CDKAL1: variants seen among roughly 807,000 people sequenced by gnomAD.
CDKAL1 encodes the protein CDKAL1 threonylcarbamoyladenosine tRNA methylthiotransferase.
Under a neutral mutation model 68.2 loss-of-function variants are expected in CDKAL1, and 32 were observed. That is an observed-to-expected ratio of 0.47 (90% CI 0.35 to 0.63). The LOEUF (loss-of-function observed/expected upper bound fraction) is 0.63, where lower values mean the gene tolerates loss of function less well. Among genes scored for constraint, CDKAL1 ranks in the 30% least tolerant of loss-of-function variants. CDKAL1 has a pLI of 0.00. For missense variants in CDKAL1, 606 were observed against 696.7 expected, an observed-to-expected ratio of 0.87 and a Z score of 1.47; for synonymous variants, 234 against 244.3, an observed-to-expected ratio of 0.96 and a Z score of 0.39.
chr6:21,140,786 C>T (rs759785321), intron 13 of CDKAL1, among the ~76,000 whole-genome samples: 50 of 152,052 alleles, frequency 3.3e-4, no homozygotes, highest in Non-Finnish European at 5.7e-4. Flanking sequence ...TGTATTAGTC[C>T]GTTTTCAGGC....
intron 9 of CDKAL1, among the ~76,000 whole-genome samples, chr6:20,946,404 C>T (rs1764238545): frequency 6.6e-6 from 1 of 152,114 alleles, no homozygotes; most frequent in Non-Finnish European, 1.5e-5. Flanking sequence ...GTGAGTCTTC[C>T]TCAACTATTC....
chr6:21,225,823 T>C (rs1384575064), intron 15 of CDKAL1, among the ~76,000 whole-genome samples: 1 of 152,246 alleles, frequency 6.6e-6, no homozygotes, highest in Non-Finnish European at 1.5e-5. Flanking sequence ...CTTTGTAATT[T>C]ACAAAAAGAA....
intron 13 of CDKAL1, among the ~76,000 whole-genome samples, chr6:21,131,523 C>T (rs1023826068): frequency 2.6e-5 from 4 of 152,118 alleles, no homozygotes; most frequent in African/African-American, 9.7e-5. Context: ...ATGTATATAA[C>T]AGAAAAGTCA....
chr6:20,887,831 C>A (rs1390391161), intron 9 of CDKAL1, among the ~76,000 whole-genome samples: 1 of 150,246 alleles, frequency 6.7e-6, no homozygotes, highest in African/African-American at 2.4e-5. Flanking sequence ...TCACACAGGC[C>A]AGAGTAGAGT....
intron 15 of CDKAL1, among the ~76,000 whole-genome samples, chr6:21,203,394 GC>G (rs1778772231): frequency 6.7e-6 from 1 of 150,296 alleles, no homozygotes; most frequent in Non-Finnish European, 1.5e-5. Flanking sequence ...GTGCCACTAC[GC>G]CCGGCTAATT....
intron 8 of CDKAL1, among the ~76,000 whole-genome samples, chr6:20,826,236 A>G (rs534499335): frequency 1.3e-5 from 2 of 152,276 alleles, no homozygotes; most frequent in African/African-American, 4.8e-5. Context: ...ATGTTAATAC[A>G]GGGAGGAGGG....
Position 20,698,330 on chromosome 6 carries a change from A to G in CDKAL1, c.372-41189A>G, listed in dbSNP as rs529390904. ...CAGTTTCTCACTGTTGTTAAATAAC[A>G]TCCTACATTATTATGCTACATTTCT... is the stretch of plus-strand genomic sequence containing the variant. On this transcript the variant is annotated intron_variant, in intron 5 of 15. Transcript: ENST00000274695. Among the ~76,000 whole-genome samples, 256 of 152,332 alleles carry G rather than the reference A, an allele frequency of 1.7e-3. 1 individual carries two copies. Among genetic ancestry groups the G allele is most frequent in the African/African-American group, 6.0e-3 (249 of 41,586 alleles).
At chr6:20,794,572 T>C (rs936661514) in intron 8 of CDKAL1, among the ~76,000 whole-genome samples, 4 of 152,168 alleles carry the variant, frequency 2.6e-5, no homozygotes, top group African/African-American at 9.6e-5. Flanking sequence ...ACACACTTTC[T>C]TAATACAAAA....
At chr6:21,227,711 T>C (rs1779804804) in intron 15 of CDKAL1, among the ~76,000 whole-genome samples, 2 of 152,214 alleles carry the variant, frequency 1.3e-5, no homozygotes, top group South Asian at 4.1e-4. Flanking sequence ...ATCAGTTATG[T>C]TCAAATATGT....
chr6:21,077,017 G>A (rs1332066344), intron 12 of CDKAL1, among the ~76,000 whole-genome samples: 4 of 152,166 alleles, frequency 2.6e-5, no homozygotes, highest in African/African-American at 7.2e-5. Flanking sequence ...CCTACTTTGT[G>A]TGGGTTTTTA....
chr6:20,716,913 A>G (rs557146684), intron 5 of CDKAL1, among the ~76,000 whole-genome samples: 1 of 152,148 alleles, frequency 6.6e-6, no homozygotes, highest in South Asian at 2.1e-4. Flanking sequence ...GAATGTGCTC[A>G]GGAGGTTGAG....
rs111353361 is a variant in CDKAL1 at position 21,121,854 on chromosome 6, T to C, written c.1299+13391T>C. Among the ~76,000 whole-genome samples, 1,198 of 152,326 alleles carry C rather than the reference T, an allele frequency of 7.9e-3. 19 individuals are homozygous for C. Among genetic ancestry groups the C allele is most frequent in the African/African-American group, 0.027 (1,130 of 41,568 alleles). ...TATCTGTTGATTGAAGGAATTAATA[T>C]GTTTCCTCTTCTAAAACTTCAGCAA... On this transcript the variant is annotated intron_variant, in intron 13 of 15. Transcript: ENST00000274695.
chr6:21,130,288 GATCTCA>G (rs1775245349), intron 13 of CDKAL1, among the ~76,000 whole-genome samples: 1 of 146,804 alleles, frequency 6.8e-6, no homozygotes, highest in Non-Finnish European at 1.5e-5. Context: ...GCAATGGTGC[GATCTCA>G]GCTCACTGCA....
chr6:20,889,544 T>C (rs1761269625), intron 9 of CDKAL1, among the ~76,000 whole-genome samples: 1 of 152,188 alleles, frequency 6.6e-6, no homozygotes, highest in Non-Finnish European at 1.5e-5. Flanking sequence ...GAATTAATTT[T>C]TGTATAAGGT....
chr6:20,928,941 C>T (rs1763305218), intron 9 of CDKAL1, among the ~76,000 whole-genome samples: 1 of 152,148 alleles, frequency 6.6e-6, no homozygotes, highest in African/African-American at 2.4e-5. Context: ...GAAGTCGAGT[C>T]CTGGATTCAT....
At chr6:21,160,328 C>G (rs905979446) in intron 13 of CDKAL1, among the ~76,000 whole-genome samples, 1 of 151,376 alleles carries the variant, frequency 6.6e-6, no homozygotes, top group Non-Finnish European at 1.5e-5. Context: ...GATGAAGTCT[C>G]GCTCTGTCAC....
chr6:21,090,744 CAT>C (rs1484456742), intron 12 of CDKAL1, among the ~76,000 whole-genome samples: 1 of 151,434 alleles, frequency 6.6e-6, no homozygotes, highest in African/African-American at 2.4e-5. Context: ...TCATGAATGT[CAT>C]ATGTGTATGT....
Position 20,896,481 on chromosome 6 carries a change from G to T in CDKAL1, c.742+50303G>T, listed in dbSNP as rs547184621. Among the ~76,000 whole-genome samples the T allele has an allele frequency of 2.0e-5, 3 of 152,188 alleles. No homozygotes were observed. In the South Asian group the frequency reaches 6.2e-4, roughly 32 times the overall value. On this transcript the variant is annotated intron_variant, in intron 9 of 15. Coordinates refer to ENST00000274695, the MANE Select transcript of CDKAL1 (RefSeq NM_017774.3). ...AAGAAATCTTGACCAAAACAAATTC[G>T]TAAGTCCAACAGTTAAATACATTCA...
intron 5 of CDKAL1, among the ~76,000 whole-genome samples, chr6:20,677,979 C>T (rs73732736): frequency 6.6e-6 from 1 of 151,656 alleles, no homozygotes; most frequent in Non-Finnish European, 1.5e-5. Context: ...TTCCTGATGT[C>T]CTTTATTTGT....
Sources: gnomAD v4.1 joint callset for allele counts (sites outside exome capture counted in the v4.1 genomes callset) on GRCh38, gnomAD v4.1.1 for gene constraint, MANE v1.5 for transcripts, NCBI Gene and HGNC (gene_info 2026-07-23, HGNC 2026-07-21) for gene names.